SLC4A7: variants seen among roughly 807,000 people sequenced by gnomAD.
SLC4A7 encodes sodium bicarbonate cotransporter 3.
In SLC4A7, 51 loss-of-function variants were observed where a neutral mutation model predicts 137.6. The observed-to-expected ratio is 0.37, with a 90% CI of 0.30 to 0.47. The LOEUF (loss-of-function observed/expected upper bound fraction) is 0.47. Ranked by LOEUF, SLC4A7 falls within the 20% of genes least tolerant of loss-of-function variation. The pLI, the probability that SLC4A7 is intolerant of heterozygous loss-of-function variation, is 1.00. For synonymous variants in SLC4A7, 542 were observed against 518.6 expected (o/e 1.05, Z -0.61); for missense variants, 1,247 against 1,525.4 (o/e 0.82, Z 3.04).
chr3:27,446,192 C>A (rs1576516140), intron 3 of SLC4A7, among the ~76,000 whole-genome samples: 1 of 150,760 alleles, frequency 6.6e-6, no homozygotes, highest in Admixed American at 6.6e-5. Context: ...GTTAATTATA[C>A]CTCAATAAAG....
intron 15 of SLC4A7, among the ~76,000 whole-genome samples, chr3:27,402,496 TTG>T (rs562751129): frequency 1.5e-3 from 230 of 152,276 alleles, no homozygotes; most frequent in Non-Finnish European, 2.5e-3. Flanking sequence ...GGTCAGGAGT[TTG>T]AGACCAGCCT....
chr3:27,397,863 ATCTTT>A (rs1189317337), intron 17 of SLC4A7, 66 bp from the exon 18 acceptor site: 3 of 918,214 alleles, frequency 3.3e-6, no homozygotes, highest in Non-Finnish European at 3.3e-6. Context: ...AATAATTCAC[ATCTTT>A]TATTGATAAA....
intron 17 of SLC4A7, 186 bp downstream of exon 17, chr3:27,398,006 T>C (rs1316538841): frequency 3.2e-6 from 2 of 615,710 alleles, no homozygotes; most frequent in Admixed American, 6.3e-5. Context: ...ACTCTTATGG[T>C]ACCATCATCT....
chr3:27,373,405 T>C lies in SLC4A7; in HGVS notation c.*3359A>G, dbSNP rs895879706. On this transcript the variant is annotated 3_prime_UTR_variant, in exon 26 of 26. Coordinates refer to ENST00000454389, the MANE Select transcript of SLC4A7 (RefSeq NM_001321103.2). ...AAACTTACTTTCTAAAATAAATAAT[T>C]GTTGGAATAAACCAAAAGACATTTC... 15 of 152,274 alleles carry C rather than the reference T, an allele frequency of 9.9e-5. No homozygotes were observed. The East Asian group carries it at 2.9e-3, about 29-fold the overall frequency. The allele number at this position is 152,274 out of a possible 1,614,324, so 9.4% of individuals were successfully genotyped here. A position where few individuals can be genotyped will look rare whatever the true frequency, so the allele number is the denominator to read the frequency against.
chr3:27,395,880 G>A (rs1312404177), intron 18 of SLC4A7, among the ~76,000 whole-genome samples: 1 of 152,130 alleles, frequency 6.6e-6, no homozygotes, highest in Non-Finnish European at 1.5e-5. Context: ...TAGTCCTGCA[G>A]ACTTAGTGAT....
intron 1 of SLC4A7, among the ~76,000 whole-genome samples, chr3:27,455,117 AT>A (rs1442938353): frequency 6.6e-6 from 1 of 152,048 alleles, no homozygotes; most frequent in Non-Finnish European, 1.5e-5. Context: ...CTGAACTTTC[AT>A]TTTCACTGAG....
Position 27,436,485 on chromosome 3 carries a change from T to C in SLC4A7, c.492A>G (p.Ala164=). The C allele has an allele frequency of 1.9e-6, 3 of 1,613,648 alleles. No homozygotes were observed. The highest frequency in any genetic ancestry group is 2.5e-6 in the Non-Finnish European group (3 of 1,179,602). The change falls in exon 5 of 26, where the codon GCA becomes GCG. Residue 164 remains alanine, a synonymous_variant. Transcript: ENST00000454389. The part of the protein sequence containing the change: ...GGDRWSKPYV[A]TLSLHSLFEL... ...CAAAAAGACTGTGCAAAGAGAGAGT[T>C]GCCACATAAGGTTTACTCCATCGGT... is the stretch of plus-strand genomic sequence containing the variant.
intron 24 of SLC4A7, among the ~76,000 whole-genome samples, chr3:27,382,564 AATC>A (rs2050532677): frequency 6.6e-6 from 1 of 152,206 alleles, no homozygotes; most frequent in Non-Finnish European, 1.5e-5. Context: ...TTTAAATATA[AATC>A]ATCAAAATCA....
At chr3:27,441,614 T>C (rs2057199508) in intron 3 of SLC4A7, among the ~76,000 whole-genome samples, 1 of 152,034 alleles carries the variant, frequency 6.6e-6, no homozygotes, top group Admixed American at 6.6e-5. Flanking sequence ...CACCTCAGCC[T>C]CCCCAGCAGT....
intron 1 of SLC4A7, among the ~76,000 whole-genome samples, chr3:27,460,709 G>A (rs1394878155): frequency 1.3e-5 from 2 of 152,174 alleles, no homozygotes; most frequent in African/African-American, 2.4e-5. Context: ...GAATATATGG[G>A]TGATAAAGAA....
chr3:27,398,375 A>C, intron 16 of SLC4A7, 22 bp from the exon 17 acceptor site: 1 of 1,580,348 alleles, frequency 6.3e-7, no homozygotes, highest in Non-Finnish European at 8.6e-7. Context: ...GAGAAAGAAA[A>C]AGCAGAATGG....
At chr3:27,448,205 A>G (rs1183805280) in intron 3 of SLC4A7, among the ~76,000 whole-genome samples, 1 of 143,242 alleles carries the variant, frequency 7.0e-6, no homozygotes, top group Non-Finnish European at 1.5e-5. Flanking sequence ...TGACAGAGTA[A>G]GACTCCATCT....
At position 27,431,592 on chromosome 3, in the gene SLC4A7, G is replaced by A. The variant is rs374589535; in HGVS notation, c.856C>T (p.Pro286Ser). ...AGATGACCAAGAAGAAGAGATAAAG[G>A]TGATTCTCCTCTCAAGGAAAGGTTT... Reference protein sequence around the residue: ...ASNLSLRGESPLSLLLGHLLP... With the variant: ...ASNLSLRGESSLSLLLGHLLP... The change falls in exon 7 of 26, where the codon CCT (proline) becomes TCT (serine). Residue 286 changes from proline (P) to serine (S), a missense_variant. By Grantham distance (74) the Pro-to-Ser change is moderately conservative. Coordinates refer to ENST00000454389, the MANE Select transcript of SLC4A7 (RefSeq NM_001321103.2). 6.2e-7 allele frequency: 1 copy of A among 1,614,010 alleles called. No individual in the cohort carries two copies. Among genetic ancestry groups the A allele is most frequent in the Non-Finnish European group, 8.5e-7 (1 of 1,179,922 alleles).
At chr3:27,441,305 G>C (rs1465596379) in intron 3 of SLC4A7, among the ~76,000 whole-genome samples, 3 of 152,134 alleles carry the variant, frequency 2.0e-5, no homozygotes, top group South Asian at 2.1e-4. Flanking sequence ...GATTAGTTTT[G>C]GTATCAGGGT....
chr3:27,423,987 T>C, intron 8 of SLC4A7, 50 bp downstream of exon 8: 1 of 1,105,562 alleles, frequency 9.0e-7, no homozygotes, highest in Non-Finnish European at 1.4e-6. Flanking sequence ...TTACTACTTA[T>C]TTCCTCAGTA....
intron 6 of SLC4A7, 118 bp downstream of exon 6, chr3:27,433,798 A>C: frequency 1.3e-6 from 1 of 772,764 alleles, no homozygotes; most frequent in Non-Finnish European, 2.2e-6. Flanking sequence ...AGGAAGGAGA[A>C]GTAATTCAGA....
At chr3:27,463,110 G>A (rs1250010430) in intron 1 of SLC4A7, among the ~76,000 whole-genome samples, 3 of 151,420 alleles carry the variant, frequency 2.0e-5, no homozygotes, top group Admixed American at 6.6e-5. Context: ...GGCCAACATG[G>A]CGAAACCTCG....
At position 27,423,952 on chromosome 3, in the gene SLC4A7, C is replaced by T. The variant is rs139684255; in HGVS notation, c.1266+85G>A. 8.6e-4 allele frequency: 670 copies of T among 782,180 alleles called. 1 individual carries two copies. The African/African-American group carries it at 0.01, about 12-fold the overall frequency. The allele number at this position is 782,180 out of a possible 1,614,324, so 48.5% of individuals were successfully genotyped here. ...CAGTCTACTAAAAAATTACTATCAT[C>T]AATGTTAATAATATTAGCCACAAAT... On this transcript the variant is annotated intron_variant, in intron 8 of 25. Coordinates refer to ENST00000454389, the MANE Select transcript of SLC4A7 (RefSeq NM_001321103.2).
In SLC4A7 at chr3:27,374,644, T is replaced by C. The variant is rs1314524336; in HGVS notation, c.*2120A>G. 6.6e-6 allele frequency: 1 copy of C among 152,496 alleles called. No homozygotes were observed. Among genetic ancestry groups the C allele is most frequent in the Non-Finnish European group, 1.5e-5 (1 of 67,902 alleles). The allele number at this position is 152,496 out of a possible 1,614,324, so 9.4% of individuals were successfully genotyped here. ...TTGTAAAAACATTTTGAGTGCAAAG[T>C]ATTTTGCAAGTGACGGTTTTTCTGG... On this transcript the variant is annotated 3_prime_UTR_variant, in exon 26 of 26. Transcript: ENST00000454389.
Sources: gnomAD v4.1 joint callset for allele counts (sites outside exome capture counted in the v4.1 genomes callset) on GRCh38, gnomAD v4.1.1 for gene constraint, MANE v1.5 for transcripts, NCBI Gene and HGNC (gene_info 2026-07-23, HGNC 2026-07-21) for gene names.